CRPPA: variants seen among roughly 807,000 people sequenced by gnomAD.
CRPPA encodes CDP-L-ribitol pyrophosphorylase A, also known as D-ribitol-5-phosphate cytidylyltransferase.
In CRPPA, 43 loss-of-function variants were observed where a neutral mutation model predicts 52.0. The ratio of observed to expected loss-of-function variants is 0.83; its 90% confidence interval spans 0.65 to 1.07. CRPPA has a LOEUF of 1.07. CRPPA is among the 50% of genes least tolerant of loss of function. The pLI, the probability that CRPPA is intolerant of heterozygous loss-of-function variation, is 0.00. For synonymous variants in CRPPA, 250 were observed against 203.5 expected, an observed-to-expected ratio of 1.23 and a Z score of -1.94; for missense variants, 629 against 551.7, an observed-to-expected ratio of 1.14 and a Z score of -1.40.
chr7:16,187,107 T>G (rs1417591728), intron 9 of CRPPA, among the ~76,000 whole-genome samples: 1 of 152,142 alleles, frequency 6.6e-6, no homozygotes, highest in African/African-American at 2.4e-5. Flanking sequence ...AGAAAATATT[T>G]TTAGTATCCA....
intron 5 of CRPPA, among the ~76,000 whole-genome samples, chr7:16,286,058 T>TAATATTTAAAAAAA (rs1562608478): frequency 3.2e-5 from 1 of 31,014 alleles, no homozygotes; most frequent in African/African-American, 2.3e-4. Flanking sequence ...TATATATATA[T>TAATATTTAAAAAAA]ATATATATAT....
intron 9 of CRPPA, 68 bp downstream of exon 9, chr7:16,215,998 C>G: frequency 1.6e-6 from 2 of 1,226,728 alleles, no homozygotes; most frequent in South Asian, 3.1e-5. Context: ...CTGCTTTTAA[C>G]AAATCAGATA....
intron 9 of CRPPA, chr7:16,209,273 C>CTTTTTTTTTTTTTTTTTTCTTT (rs34795937): frequency 3.3e-5 from 4 of 122,066 alleles, no homozygotes; most frequent in Non-Finnish European, 7.2e-5. Context: ...TTCTAAGTGT[C>CTTTTTTTTTTTTTTTTTTCTTT]TTTTTTTTTT....
intron 9 of CRPPA, among the ~76,000 whole-genome samples, chr7:16,158,093 C>T (rs1464802789): frequency 6.7e-6 from 1 of 150,354 alleles, no homozygotes; most frequent in Middle Eastern, 3.4e-3. Flanking sequence ...ACCATGTTGG[C>T]CAGGCTGATC....
chr7:16,329,218 A>G (rs898655377), intron 3 of CRPPA, among the ~76,000 whole-genome samples: 1 of 152,218 alleles, frequency 6.6e-6, no homozygotes, highest in African/African-American at 2.4e-5. Flanking sequence ...GGTGGTGGCA[A>G]TAGGAGCTAA....
chr7:16,146,607 T>G (rs536791965), intron 9 of CRPPA, among the ~76,000 whole-genome samples: 5 of 152,282 alleles, frequency 3.3e-5, no homozygotes, highest in African/African-American at 1.2e-4. Flanking sequence ...AGATATAAAC[T>G]GTAACATCAA....
At chr7:16,153,248 A>C (rs1022539406) in intron 9 of CRPPA, among the ~76,000 whole-genome samples, 3 of 152,092 alleles carry the variant, frequency 2.0e-5, no homozygotes, top group Non-Finnish European at 2.9e-5. Flanking sequence ...GAGGTATTTA[A>C]ACTATTATTA....
At chr7:16,350,319 G>C (rs376304266) in intron 3 of CRPPA, among the ~76,000 whole-genome samples, 2 of 152,034 alleles carry the variant, frequency 1.3e-5, no homozygotes, top group South Asian at 4.2e-4. Context: ...AAAACTCACT[G>C]GTAGAAGTAC....
intron 5 of CRPPA, among the ~76,000 whole-genome samples, chr7:16,288,074 A>G (rs528868425): frequency 6.6e-6 from 1 of 152,272 alleles, no homozygotes; most frequent in Admixed American, 6.5e-5. Flanking sequence ...AAACCTACCA[A>G]AACCTTGATC....
intron 8 of CRPPA, among the ~76,000 whole-genome samples, chr7:16,239,620 A>G (rs1783053259): frequency 6.6e-6 from 1 of 150,670 alleles, no homozygotes; most frequent in Non-Finnish European, 1.5e-5. Flanking sequence ...TTTTTAAAAA[A>G]CTGAATGACC....
At position 16,368,917 on chromosome 7, in the gene CRPPA, C is replaced by G. The variant is rs970292597; in HGVS notation, c.684+7175G>C. On this transcript the variant is annotated intron_variant, in intron 3 of 9. Transcript: ENST00000407010. ...ACTTAATATATGCACATATATAACT[C>G]ACATCAAATCTGTTTATATAACTGG... is the stretch of plus-strand genomic sequence containing the variant. Among the ~76,000 whole-genome samples, 6 of 152,182 alleles carry G rather than the reference C, an allele frequency of 3.9e-5. No individual in the cohort carries two copies. In the East Asian group the frequency reaches 1.2e-3, roughly 29 times the overall value.
chr7:16,237,321 G>T (rs142348903), intron 8 of CRPPA: 2 of 152,244 alleles, frequency 1.3e-5, no homozygotes, highest in Admixed American at 6.5e-5. Flanking sequence ...CTGGAAGTTG[G>T]AAGTACAAGA....
At chr7:16,150,729 T>C (rs1464810344) in intron 9 of CRPPA, among the ~76,000 whole-genome samples, 1 of 152,192 alleles carries the variant, frequency 6.6e-6, no homozygotes, top group African/African-American at 2.4e-5. Flanking sequence ...TACCAGAGAC[T>C]GGGTGATTTA....
chr7:16,214,870 G>A (rs1000426932), intron 9 of CRPPA, among the ~76,000 whole-genome samples: 8 of 152,152 alleles, frequency 5.3e-5, no homozygotes, highest in Admixed American at 1.3e-4. Context: ...ATCTGTCCTC[G>A]GGCAAATATA....
At chr7:16,419,790 G>A (rs1788283357) in intron 1 of CRPPA, among the ~76,000 whole-genome samples, 3 of 151,608 alleles carry the variant, frequency 2.0e-5, no homozygotes, top group South Asian at 2.1e-4. Flanking sequence ...CCCACTTCCC[G>A]AGCCTCTACC....
intron 9 of CRPPA, among the ~76,000 whole-genome samples, chr7:16,153,287 C>G (rs140555736): frequency 8.9e-4 from 135 of 152,020 alleles, no homozygotes; most frequent in Middle Eastern, 3.4e-3. Flanking sequence ...AATCAAGGGT[C>G]AACAAACCAC....
At chr7:16,351,047 A>T (rs922009828) in intron 3 of CRPPA, among the ~76,000 whole-genome samples, 1 of 152,326 alleles carries the variant, frequency 6.6e-6, no homozygotes, top group South Asian at 2.1e-4. Flanking sequence ...CAAAAAGGAT[A>T]TAACAATTTT....
rs1562608533 is a variant in CRPPA at position 16,286,068 on chromosome 7, T to TTTAAA, written c.836-7843_836-7842insTTTAA. ...AAATATATATATATATATATATATATATATATATATATAATATTTAAAAAA... is the reference window on the plus strand; with the variant it reads ...AAATATATATATATATATATATATATTTAAAATATATATATATAATATTTAAAAAA... On this transcript the variant is annotated intron_variant, in intron 5 of 9. Coordinates refer to ENST00000407010, the MANE Select transcript of CRPPA (RefSeq NM_001101426.4). Among the ~76,000 whole-genome samples, 44 of 24,060 alleles carry TTTAAA rather than the reference T, an allele frequency of 1.8e-3. 4 individuals are homozygous for TTTAAA. Among genetic ancestry groups the TTTAAA allele is most frequent in the African/African-American group, 0.011 (41 of 3,892 alleles). The allele number at this position is 24,060 out of a possible 152,430, so 15.8% of individuals were successfully genotyped here.
At chr7:16,303,811 T>A (rs945696468) in intron 4 of CRPPA, among the ~76,000 whole-genome samples, 3 of 152,190 alleles carry the variant, frequency 2.0e-5, no homozygotes, top group Admixed American at 1.3e-4. Flanking sequence ...CTTTTGTTTT[T>A]AAACAGATGC....
Sources: allele counts gnomAD v4.1 joint callset (sites outside exome capture counted in the v4.1 genomes callset), GRCh38; gene constraint gnomAD v4.1.1; transcripts MANE v1.5; gene names NCBI Gene and HGNC (gene_info 2026-07-23, HGNC 2026-07-21).